The following MYO16 variants were observed in gnomAD, a reference collection of about 807,000 sequenced individuals.
MYO16 encodes unconventional myosin-XVI.
A neutral mutation model predicts 205.3 loss-of-function variants in MYO16; 94 were observed. That is an observed-to-expected ratio of 0.46 (90% CI 0.39 to 0.54). The LOEUF is 0.54. MYO16 is among the 20% of genes least tolerant of loss of function. MYO16 has a pLI of 0.00. For missense variants in MYO16, 2,315 were observed against 2,387.5 expected (o/e 0.97, Z 0.63); for synonymous variants, 988 against 954.0 (o/e 1.04, Z -0.66).
intron 23 of MYO16, among the ~76,000 whole-genome samples, chr13:109,044,273 G>T (rs1886970712): frequency 6.6e-6 from 1 of 151,694 alleles, no homozygotes; most frequent in Non-Finnish European, 1.5e-5. Flanking sequence ...TTGAAGGAGG[G>T]GAGATGCCAG....
intron 13 of MYO16, among the ~76,000 whole-genome samples, chr13:108,885,003 A>G (rs1879798971): frequency 6.6e-6 from 1 of 151,572 alleles, no homozygotes; most frequent in African/African-American, 2.4e-5. Context: ...AAAGGAAGAG[A>G]AAGACGCTGA....
chr13:108,565,697 C>A, the MYO16 span, among the ~76,000 whole-genome samples: 1 of 152,122 alleles, frequency 6.6e-6, no homozygotes, highest in East Asian at 1.9e-4. Flanking sequence ...ATTGCTCTAG[C>A]TAGACCTTCC....
intron 1 of MYO16, among the ~76,000 whole-genome samples, chr13:108,659,611 A>T (rs1364480184): frequency 1.3e-5 from 2 of 152,192 alleles, no homozygotes; most frequent in Admixed American, 1.3e-4. Flanking sequence ...AAGGAAAAGC[A>T]GTTAGATGGG....
At position 108,657,362 on chromosome 13, in the gene MYO16, A is replaced by C. The variant is rs114092468; in HGVS notation, c.29-8524A>C. 9.8e-3 allele frequency among the ~76,000 whole-genome samples: 1,489 copies of C among 152,290 alleles called. 20 individuals are homozygous for C. Among genetic ancestry groups the C allele is most frequent in the African/African-American group, 0.034 (1,417 of 41,564 alleles). On this transcript the variant is annotated intron_variant, in intron 1 of 34. Transcript: ENST00000457511. ...AGAGAGAAGGTGACCTAATAGATTT[A>C]TATCCTCCAAAAATAGAGGAGAAGT...
At chr13:109,092,948 A>G (rs1378490157) in intron 27 of MYO16, among the ~76,000 whole-genome samples, 1 of 152,242 alleles carries the variant, frequency 6.6e-6, no homozygotes, top group East Asian at 1.9e-4. Context: ...TCTTTTAAAA[A>G]TACAGACTCC....
intron 27 of MYO16, among the ~76,000 whole-genome samples, chr13:109,095,402 GT>G (rs1420362602): frequency 6.6e-6 from 1 of 152,148 alleles, no homozygotes; most frequent in Non-Finnish European, 1.5e-5. Context: ...GGGGGAACGT[GT>G]TTTAGCTCAG....
At chr13:108,788,577 A>G in intron 5 of MYO16, among the ~76,000 whole-genome samples, 1 of 152,186 alleles carries the variant, frequency 6.6e-6, no homozygotes, top group East Asian at 1.9e-4. Context: ...CTCTGCATAC[A>G]CCACCATTCA....
intron 4 of MYO16, among the ~76,000 whole-genome samples, chr13:108,737,349 G>C (rs1463270408): frequency 6.6e-6 from 1 of 152,042 alleles, no homozygotes; most frequent in Non-Finnish European, 1.5e-5. Flanking sequence ...TAGCATGAAG[G>C]GCTGTTGAAT....
At chr13:108,834,827 G>T (rs1227489468) in intron 9 of MYO16, among the ~76,000 whole-genome samples, 2 of 151,696 alleles carry the variant, frequency 1.3e-5, no homozygotes, top group Non-Finnish European at 2.9e-5. Flanking sequence ...TTTACTATGT[G>T]TGTCCTTAAA....
chr13:108,904,005 T>C (rs1041777342), intron 15 of MYO16, among the ~76,000 whole-genome samples: 3 of 152,188 alleles, frequency 2.0e-5, no homozygotes, highest in Admixed American at 6.5e-5. Flanking sequence ...GGGAGTATCA[T>C]CATACTAATT....
intron 2 of MYO16, among the ~76,000 whole-genome samples, chr13:108,689,403 TACAG>T (rs1198197356): frequency 6.6e-6 from 1 of 152,134 alleles, no homozygotes; most frequent in Admixed American, 6.5e-5. Flanking sequence ...TAAATACATA[TACAG>T]ACATTTTTAA....
chr13:108,668,631 G>A (rs1881846830), intron 2 of MYO16, among the ~76,000 whole-genome samples: 1 of 152,132 alleles, frequency 6.6e-6, no homozygotes, highest in South Asian at 2.1e-4. Context: ...CAACAGTGAT[G>A]GATACGGGGC....
chr13:108,819,118 C>A (rs1875808005), intron 7 of MYO16, among the ~76,000 whole-genome samples: 1 of 152,010 alleles, frequency 6.6e-6, no homozygotes, highest in South Asian at 2.1e-4. Flanking sequence ...GTACATATAT[C>A]CTGAAGAAAG....
chr13:108,906,846 G>A (rs757629360), intron 15 of MYO16, among the ~76,000 whole-genome samples: 1 of 152,174 alleles, frequency 6.6e-6, no homozygotes, highest in Non-Finnish European at 1.5e-5. Context: ...GGGATTGGCA[G>A]CATCAGACTC....
chr13:108,736,138 C>T (rs1319633155), intron 4 of MYO16, among the ~76,000 whole-genome samples: 1 of 152,166 alleles, frequency 6.6e-6, no homozygotes, highest in Non-Finnish European at 1.5e-5. Flanking sequence ...TGCAGGAGCT[C>T]TTTTGTTTAA....
chr13:109,201,727 T>C (rs1393153153), intron 34 of MYO16, among the ~76,000 whole-genome samples: 1 of 152,040 alleles, frequency 6.6e-6, no homozygotes, highest in Non-Finnish European at 1.5e-5. Context: ...TGAACCCAAT[T>C]TGTAGTCTTT....
At chr13:108,793,307 A>C (rs561171567) in intron 5 of MYO16, among the ~76,000 whole-genome samples, 1 of 150,922 alleles carries the variant, frequency 6.6e-6, no homozygotes, top group Non-Finnish European at 1.5e-5. Context: ...AAAAAAAAAC[A>C]TAACAAGAGA....
At chr13:108,760,787 A>G (rs1302082422) in intron 4 of MYO16, among the ~76,000 whole-genome samples, 2 of 152,038 alleles carry the variant, frequency 1.3e-5, no homozygotes, top group African/African-American at 4.8e-5. Flanking sequence ...GTTTGTTTGT[A>G]CCTGTTAATC....
At chr13:109,185,817 T>C (rs1209447015) in intron 34 of MYO16, among the ~76,000 whole-genome samples, 4 of 152,218 alleles carry the variant, frequency 2.6e-5, no homozygotes, top group African/African-American at 9.6e-5. Context: ...TTACTGAGCA[T>C]AGGTGTACTC....
Sources: allele counts gnomAD v4.1 joint callset (sites outside exome capture counted in the v4.1 genomes callset), GRCh38; gene constraint gnomAD v4.1.1; transcripts MANE v1.5; gene names NCBI Gene and HGNC (gene_info 2026-07-23, HGNC 2026-07-21).